The following CLDN10 variants were observed in gnomAD, a reference collection of about 807,000 sequenced individuals.
CLDN10 encodes claudin 10.
Under a neutral mutation model 22.9 loss-of-function variants are expected in CLDN10, and 15 were observed. The ratio of observed to expected loss-of-function variants is 0.65; its 90% CI spans 0.44 to 1.01. The LOEUF (loss-of-function observed/expected upper bound fraction) is 1.01. CLDN10 is among the 50% of genes least tolerant of loss of function. The pLI is 0.00. For synonymous variants in CLDN10, 114 were observed against 111.4 expected (o/e 1.02, Z -0.15); for missense variants, 247 against 287.8 (o/e 0.86, Z 1.03).
intron 1 of CLDN10, chr13:95,528,650 G>C (rs2043310067): frequency 6.6e-6 from 1 of 152,172 alleles, no homozygotes; most frequent in South Asian, 2.1e-4. Flanking sequence ...AAATAAACAA[G>C]ATGATTCCTT....
At chr13:95,494,932 A>C (rs970493358) in intron 1 of CLDN10, among the ~76,000 whole-genome samples, 1 of 152,094 alleles carries the variant, frequency 6.6e-6, no homozygotes, top group Non-Finnish European at 1.5e-5. Flanking sequence ...ACTCTTAAAA[A>C]ACTAACTGCT....
chr13:95,521,813 G>A (rs2043226807), intron 1 of CLDN10, among the ~76,000 whole-genome samples: 1 of 151,986 alleles, frequency 6.6e-6, no homozygotes, highest in Non-Finnish European at 1.5e-5. Context: ...TAATGGAAAA[G>A]ATTTAAATTG....
intron 1 of CLDN10, among the ~76,000 whole-genome samples, chr13:95,467,625 G>C (rs2042593396): frequency 6.6e-6 from 1 of 152,158 alleles, no homozygotes; most frequent in Non-Finnish European, 1.5e-5. Flanking sequence ...CTGTGGAGGT[G>C]TGGCTTAGCC....
chr13:95,570,479 G>T (rs1161089383), intron 3 of CLDN10, among the ~76,000 whole-genome samples: 2 of 152,090 alleles, frequency 1.3e-5, no homozygotes, highest in Non-Finnish European at 2.9e-5. Flanking sequence ...TACTGTGGAT[G>T]GTTTTTAAAT....
At chr13:95,544,676 T>C (rs1267987911) in intron 1 of CLDN10, among the ~76,000 whole-genome samples, 1 of 152,216 alleles carries the variant, frequency 6.6e-6, no homozygotes, top group East Asian at 1.9e-4. Context: ...GATGACTGCA[T>C]GAACCTGAAT....
At chr13:95,538,245 C>T (rs1165290289) in intron 1 of CLDN10, among the ~76,000 whole-genome samples, 2 of 135,196 alleles carry the variant, frequency 1.5e-5, no homozygotes, top group Admixed American at 1.7e-4. Context: ...AGGCGATTCT[C>T]CTGCCTCAGC....
intron 1 of CLDN10, among the ~76,000 whole-genome samples, chr13:95,512,467 GT>G (rs1388421392): frequency 5.3e-5 from 8 of 152,180 alleles, no homozygotes; most frequent in Non-Finnish European, 1.0e-4. Flanking sequence ...TGAGCAATGT[GT>G]TTTGCCAACA....
chr13:95,454,660 G>A lies in CLDN10; in HGVS notation c.214+20613G>A, dbSNP rs540483700. On this transcript the variant is annotated intron_variant, in intron 1 of 4. Transcript: ENST00000376873. The stretch of plus-strand genomic sequence containing the variant: ...GTAGAGGGGATGAGGTGTGAGTGTG[G>A]AAGGATGAAGGGAGGGGTGTGGGAT... Among the ~76,000 whole-genome samples, 3 of 152,274 alleles carry A rather than the reference G, an allele frequency of 2.0e-5. No homozygotes were observed. The South Asian group carries it at 6.2e-4, about 32-fold the overall frequency.
At chr13:95,466,091 T>C (rs960534989) in intron 1 of CLDN10, among the ~76,000 whole-genome samples, 4 of 151,770 alleles carry the variant, frequency 2.6e-5, no homozygotes, top group African/African-American at 9.7e-5. Flanking sequence ...TTTACCACTA[T>C]TTATTTACTT....
intron 1 of CLDN10, among the ~76,000 whole-genome samples, chr13:95,504,484 A>C (rs181477265): frequency 7.5e-4 from 114 of 152,208 alleles, no homozygotes; most frequent in African/African-American, 2.6e-3. Flanking sequence ...GGTTCAAGCC[A>C]TTCTCCTGCC....
At chr13:95,556,032 CATT>C (rs1197920949) in intron 1 of CLDN10, among the ~76,000 whole-genome samples, 5 of 151,896 alleles carry the variant, frequency 3.3e-5, no homozygotes, top group Admixed American at 6.6e-5. Flanking sequence ...ACGACGAGGT[CATT>C]ATTCTGAATT....
At chr13:95,501,392 C>T (rs903178679) in intron 1 of CLDN10, among the ~76,000 whole-genome samples, 2 of 152,208 alleles carry the variant, frequency 1.3e-5, no homozygotes, top group Non-Finnish European at 2.9e-5. Context: ...TAGCTCACTG[C>T]AGCTTTGACC....
chr13:95,510,984 C>G (rs937802688), intron 1 of CLDN10, among the ~76,000 whole-genome samples: 3 of 151,868 alleles, frequency 2.0e-5, no homozygotes, highest in Non-Finnish European at 2.9e-5. Context: ...CTCTGTCAGC[C>G]AAAAAAATGT....
At chr13:95,531,398 A>T (rs992065716) in intron 1 of CLDN10, among the ~76,000 whole-genome samples, 1 of 152,256 alleles carries the variant, frequency 6.6e-6, no homozygotes, top group Non-Finnish European at 1.5e-5. Flanking sequence ...TTCATATTTT[A>T]AAGAAGCCAT....
intron 1 of CLDN10, among the ~76,000 whole-genome samples, chr13:95,444,737 C>T (rs2042356021): frequency 6.6e-6 from 1 of 152,144 alleles, no homozygotes; most frequent in Non-Finnish European, 1.5e-5. Flanking sequence ...TGAGCTCCCT[C>T]ATCTATTTTT....
At chr13:95,438,716 C>T (rs139264014) in intron 1 of CLDN10, among the ~76,000 whole-genome samples, 82 of 152,198 alleles carry the variant, frequency 5.4e-4, no homozygotes, top group African/African-American at 1.8e-3. Context: ...CGGTGGCTCA[C>T]GCCTGTAATC....
chr13:95,573,713 TTATTTG>T (rs1300351142), intron 3 of CLDN10, among the ~76,000 whole-genome samples: 3 of 69,390 alleles, frequency 4.3e-5, no homozygotes, highest in Non-Finnish European at 5.9e-5. Context: ...ATTTTTATTT[TTATTTG>T]TGTGTGTGTG....
chr13:95,491,426 T>C (rs182184506), intron 1 of CLDN10, among the ~76,000 whole-genome samples: 218 of 152,170 alleles, frequency 1.4e-3, no homozygotes, highest in Non-Finnish European at 2.7e-3. Flanking sequence ...GCTCTGAATT[T>C]CTTTCTTCTG....
intron 1 of CLDN10, among the ~76,000 whole-genome samples, chr13:95,493,475 C>A (rs1367507497): frequency 6.6e-6 from 1 of 152,034 alleles, no homozygotes; most frequent in African/African-American, 2.4e-5. Context: ...ACTTCCCCTC[C>A]CCCAGTCTCT....
Sources: allele counts gnomAD v4.1 joint callset (sites outside exome capture counted in the v4.1 genomes callset), GRCh38; gene constraint gnomAD v4.1.1; transcripts MANE v1.5; gene names NCBI Gene and HGNC (gene_info 2026-07-23, HGNC 2026-07-21).